GIN1: variants seen among roughly 807,000 people sequenced by gnomAD.
GIN1 encodes the protein gypsy retrotransposon integrase 1.
In GIN1, 41 loss-of-function variants were observed where a neutral mutation model predicts 51.4. The observed-to-expected ratio is 0.80, with a 90% CI of 0.62 to 1.04. GIN1 has a LOEUF of 1.04. Among genes scored for constraint, GIN1 ranks in the 50% least tolerant of loss-of-function variants. The pLI is 0.00. For synonymous variants in GIN1, 222 were observed against 206.5 expected, an observed-to-expected ratio of 1.07 and a Z score of -0.64; for missense variants, 610 against 612.4, an observed-to-expected ratio of 1.00 and a Z score of 0.04.
chr5:103,092,479 G>C (rs188951341), intron 7 of GIN1, among the ~76,000 whole-genome samples: 41 of 152,068 alleles, frequency 2.7e-4, no homozygotes, highest in African/African-American at 9.6e-4. Context: ...ATTTTAAAGA[G>C]AAGTGACTAA....
chr5:103,104,903 TA>T, intron 3 of GIN1, 57 bp from the exon 4 acceptor site: 1 of 1,035,890 alleles, frequency 9.7e-7, no homozygotes. Context: ...CAACACAATA[TA>T]AAAGCAGTCT....
In GIN1 at chr5:103,087,952, C is replaced by G; in HGVS notation, c.1515G>C (p.Lys505Asn). The change falls in exon 8 of 8, where the codon AAG (lysine) becomes AAC (asparagine). Residue 505 changes from lysine (K) to asparagine (N), a missense_variant. Physicochemically the swap from Lys to Asn is moderately conservative, Grantham distance 94. Transcript: ENST00000399004. ...AAGAGTCCAACAGACTGAAAGTCTG[C>G]TTTTCAAGAGAACTATGATCGTCTA... ...PLIDDHSSLE[K>N]QTFSLLDSSN... The G allele has an allele frequency of 6.3e-7, 1 of 1,598,164 alleles. No individual in the cohort carries two copies. The highest frequency in any genetic ancestry group is 1.1e-5 in the South Asian group (1 of 90,228).
intron 1 of GIN1, among the ~76,000 whole-genome samples, chr5:103,112,533 A>G (rs1312352547): frequency 2.6e-5 from 4 of 152,128 alleles, no homozygotes; most frequent in African/African-American, 9.7e-5. Flanking sequence ...TTCTTCTCTC[A>G]CTACTTTCCT....
chr5:103,104,917 T>C (rs782184096), intron 3 of GIN1, 71 bp from the exon 4 acceptor site: 2 of 948,904 alleles, frequency 2.1e-6, no homozygotes, highest in Non-Finnish European at 3.1e-6. Context: ...AGCAGTCTTA[T>C]AAATCTGAAT....
rs868986183 is a variant in GIN1, at chr5:103,088,174, T to C, written c.1295-2A>G. On this transcript the variant is annotated splice_acceptor_variant, in intron 7 of 7. Transcript: ENST00000399004. LOFTEE classifies it high-confidence loss of function. Reference sequence around the variant, plus strand: ...AACCTTGCAAGAGATAAAGACTTTCTGAAAAAAGAAAAATCATACATTTGA... The same window carrying C: ...AACCTTGCAAGAGATAAAGACTTTCCGAAAAAAGAAAAATCATACATTTGA... 1.4e-6 allele frequency: 2 copies of C among 1,468,656 alleles called. No homozygotes were observed. The highest frequency in any genetic ancestry group is 1.4e-5 in the South Asian group (1 of 71,230). The allele number at this position is 1,468,656 out of a possible 1,614,324, so 91.0% of individuals were successfully genotyped here.
chr5:103,087,990 T>C lies in GIN1; in HGVS notation c.1477A>G (p.Ile493Val), dbSNP rs541225125. The C allele has an allele frequency of 3.1e-6, 5 of 1,599,478 alleles. No individual in the cohort carries two copies. The East Asian group carries it at 1.1e-4, about 36-fold the overall frequency. Residue 493 changes from isoleucine (I) to valine (V), a missense_variant, in exon 8 of 8, where the codon ATC becomes GTC. Transcript: ENST00000399004. ...CTATGATCGTCTATCAATGGAGAGA[T>C]TTTCGTATTTCTATATTCTAATAGT... ...RELLEYRNTK[I>V]SPLIDDHSSL...
At chr5:103,117,904 C>T (rs189374453) in intron 1 of GIN1, among the ~76,000 whole-genome samples, 1 of 152,210 alleles carries the variant, frequency 6.6e-6, no homozygotes, top group African/African-American at 2.4e-5. Flanking sequence ...GCTTTTCCCC[C>T]CTGCTATACC....
At chr5:103,099,076 C>T (rs751960833) in intron 4 of GIN1, among the ~76,000 whole-genome samples, 11 of 151,258 alleles carry the variant, frequency 7.3e-5, no homozygotes, top group Non-Finnish European at 1.0e-4. Context: ...ATATTTCAGA[C>T]GAGTAGTATC....
In GIN1 at chr5:103,086,558, T is replaced by C. The variant is rs1787080459; in HGVS notation, c.*1340A>G. On this transcript the variant is annotated 3_prime_UTR_variant, in exon 8 of 8. Transcript: ENST00000399004. The stretch of plus-strand genomic sequence containing the variant: ...CTTTTCCATTTCTGTGTATTACTTC[T>C]CCCCTAATTCTTTTGTATCCATTTA... 1.3e-5 allele frequency: 2 copies of C among 152,226 alleles called. No homozygotes were observed. The highest frequency in any genetic ancestry group is 2.9e-5 in the Non-Finnish European group (2 of 68,036). The allele number at this position is 152,226 out of a possible 1,614,324, so 9.4% of individuals were successfully genotyped here.
intron 4 of GIN1, among the ~76,000 whole-genome samples, chr5:103,098,001 G>C (rs993623612): frequency 1.3e-5 from 2 of 152,014 alleles, no homozygotes; most frequent in South Asian, 4.2e-4. Flanking sequence ...TTCTGCCTCG[G>C]CTTCCTGAGT....
intron 1 of GIN1, among the ~76,000 whole-genome samples, chr5:103,119,166 T>G (rs766610571): frequency 2.6e-4 from 40 of 152,216 alleles, no homozygotes; most frequent in Non-Finnish European, 1.6e-4. Context: ...ATGTCAAGAT[T>G]AGGACTTAAC....
At chr5:103,113,022 G>A (rs1484008855) in intron 1 of GIN1, among the ~76,000 whole-genome samples, 1 of 152,040 alleles carries the variant, frequency 6.6e-6, no homozygotes, top group Admixed American at 6.6e-5. Context: ...GATTCACCTG[G>A]AAAAGGAGGA....
At chr5:103,118,678 C>G (rs1342641780) in intron 1 of GIN1, among the ~76,000 whole-genome samples, 2 of 121,808 alleles carry the variant, frequency 1.6e-5, no homozygotes, top group Non-Finnish European at 3.8e-5. Flanking sequence ...AAAAGCATAG[C>G]CTTTGAAGTA....
rs975175231 is a variant in GIN1, at chr5:103,112,059, C to A, written c.-7-3345G>T. ...GAAATTTGCTCTCCTCAGAGTAAAC[C>A]TATAGTACAAGGGACAAGGAGAAAA... is the stretch of plus-strand genomic sequence containing the variant. On this transcript the variant is annotated intron_variant, in intron 1 of 7. Coordinates refer to ENST00000399004, the MANE Select transcript of GIN1 (RefSeq NM_017676.2). Among the ~76,000 whole-genome samples, 6 of 988 alleles carry A rather than the reference C, an allele frequency of 6.1e-3. No individual in the cohort carries two copies. In the South Asian group the frequency reaches 0.22, roughly 37 times the overall value. 0.6% of individuals were successfully genotyped at this position (988 alleles called of 152,430 possible).
At chr5:103,109,554 A>C (rs1395257048) in intron 1 of GIN1, among the ~76,000 whole-genome samples, 1 of 152,124 alleles carries the variant, frequency 6.6e-6, no homozygotes. Flanking sequence ...TTCCAGAGAG[A>C]GTAACAGTAC....
At chr5:103,111,603 A>G (rs1554196931) in intron 1 of GIN1, among the ~76,000 whole-genome samples, 1 of 152,148 alleles carries the variant, frequency 6.6e-6, no homozygotes, top group East Asian at 1.9e-4. Flanking sequence ...TCAGGCCTGT[A>G]AAAGCCCACA....
In GIN1 at chr5:103,088,138, T is replaced by C; in HGVS notation, c.1329A>G (p.Ala443=). The change falls in exon 8 of 8, where the codon GCA becomes GCG. Residue 443 remains alanine (A), a synonymous_variant. Coordinates refer to ENST00000399004, the MANE Select transcript of GIN1 (RefSeq NM_017676.2). ...SLYLLQGSVV[A]DHDYIGLPEI... ...CAGGCAATCCAATGTAGTCATGATCTGCCACTACTGAACCTTGCAAGAGAT... is the reference window on the plus strand; with the variant it reads ...CAGGCAATCCAATGTAGTCATGATCCGCCACTACTGAACCTTGCAAGAGAT... 1 of 1,605,782 alleles carries C rather than the reference T, an allele frequency of 6.2e-7. No individual in the cohort carries two copies.
chr5:103,107,967 T>C (rs1554196519), intron 2 of GIN1, among the ~76,000 whole-genome samples: 1 of 152,046 alleles, frequency 6.6e-6, no homozygotes, highest in African/African-American at 2.4e-5. Flanking sequence ...TTGTTGTTTA[T>C]CTCATCCCAA....
intron 1 of GIN1, among the ~76,000 whole-genome samples, chr5:103,117,045 G>C (rs1788050464): frequency 6.6e-6 from 1 of 151,986 alleles, no homozygotes; most frequent in Non-Finnish European, 1.5e-5. Context: ...ACCAATCTTA[G>C]ATACTAACCC....
Sources: gnomAD v4.1 joint callset for allele counts (sites outside exome capture counted in the v4.1 genomes callset) on GRCh38, gnomAD v4.1.1 for gene constraint, MANE v1.5 for transcripts, NCBI Gene and HGNC (gene_info 2026-07-23, HGNC 2026-07-21) for gene names.